The following SYN3 variants were observed in gnomAD, a reference collection of about 807,000 sequenced individuals.
The protein encoded by SYN3 is synapsin III.
In SYN3, 35 loss-of-function variants were observed where a neutral mutation model predicts 65.8. The ratio of observed to expected loss-of-function variants is 0.53; its 90% CI spans 0.41 to 0.70. The LOEUF is 0.70. Among genes scored for constraint, SYN3 ranks in the 30% least tolerant of loss-of-function variants. SYN3 has a pLI of 0.00. For missense variants in SYN3, 680 were observed against 749.0 expected, an observed-to-expected ratio of 0.91 and a Z score of 1.08; for synonymous variants, 270 against 292.9, an observed-to-expected ratio of 0.92 and a Z score of 0.80.
At chr22:33,034,652 C>T (rs2053819806) in intron 1 of SYN3, among the ~76,000 whole-genome samples, 1 of 152,132 alleles carries the variant, frequency 6.6e-6, no homozygotes, top group Non-Finnish European at 1.5e-5. Flanking sequence ...GCTGTTTACT[C>T]AAGCACTGAG....
chr22:32,914,980 T>C (rs1310839535), intron 4 of SYN3, among the ~76,000 whole-genome samples: 1 of 152,182 alleles, frequency 6.6e-6, no homozygotes, highest in Non-Finnish European at 1.5e-5. Context: ...CAACTTGACC[T>C]CTGCCTTCAG....
chr22:32,660,392 C>T (rs1358152153), intron 6 of SYN3, among the ~76,000 whole-genome samples: 3 of 152,144 alleles, frequency 2.0e-5, no homozygotes, highest in South Asian at 2.1e-4. Context: ...AGCAAAGTTG[C>T]GAAATGGACA....
At chr22:32,820,667 C>T (rs2047220826) in intron 6 of SYN3, among the ~76,000 whole-genome samples, 2 of 152,140 alleles carry the variant, frequency 1.3e-5, no homozygotes, top group African/African-American at 4.8e-5. Context: ...CGTGGCATCA[C>T]CAGGACCTGA....
chr22:33,049,390 A>G (rs763802447), intron 1 of SYN3, among the ~76,000 whole-genome samples: 8 of 152,190 alleles, frequency 5.3e-5, no homozygotes, highest in Non-Finnish European at 1.0e-4. Flanking sequence ...CCACTGCTGC[A>G]GCTAGCTTTG....
intron 3 of SYN3, among the ~76,000 whole-genome samples, chr22:32,956,026 T>G (rs1254100820): frequency 9.6e-6 from 1 of 104,116 alleles, no homozygotes; most frequent in Non-Finnish European, 1.9e-5. Flanking sequence ...GAGTTAATAC[T>G]ACTTAATAAA....
At chr22:32,665,948 C>G (rs1438412184) in intron 6 of SYN3, among the ~76,000 whole-genome samples, 1 of 152,156 alleles carries the variant, frequency 6.6e-6, no homozygotes, top group Middle Eastern at 3.2e-3. Flanking sequence ...CCAACGAAAT[C>G]ACACACTATA....
At chr22:33,040,036 T>C (rs901024992) in intron 1 of SYN3, among the ~76,000 whole-genome samples, 49 of 131,914 alleles carry the variant, frequency 3.7e-4, no homozygotes, top group African/African-American at 1.9e-3. Context: ...TTTTTTTTCT[T>C]TTTTTTTTTG....
At chr22:33,001,641 C>T (rs1471193662) in intron 2 of SYN3, among the ~76,000 whole-genome samples, 2 of 152,208 alleles carry the variant, frequency 1.3e-5, no homozygotes, top group Non-Finnish European at 2.9e-5. Context: ...CAATAGTCAG[C>T]AATAATAATA....
chr22:32,944,116 C>T (rs1350288146), intron 3 of SYN3, among the ~76,000 whole-genome samples: 1 of 152,202 alleles, frequency 6.6e-6, no homozygotes, highest in African/African-American at 2.4e-5. Flanking sequence ...ATCTACAGAA[C>T]ACTCCACCCC....
intron 6 of SYN3, among the ~76,000 whole-genome samples, chr22:32,730,285 C>T (rs368052506): frequency 6.6e-6 from 1 of 152,188 alleles, no homozygotes; most frequent in Admixed American, 6.5e-5. Flanking sequence ...ATATAATGGT[C>T]GGGTACCATT....
chr22:32,858,229 CG>C, intron 6 of SYN3: 1 of 1,566,276 alleles, frequency 6.4e-7, no homozygotes, highest in Non-Finnish European at 8.7e-7. Context: ...GCCAGGCCCT[CG>C]GCTGGGAAGG....
At chr22:32,846,604 G>T (rs2048070651) in intron 6 of SYN3, among the ~76,000 whole-genome samples, 1 of 152,174 alleles carries the variant, frequency 6.6e-6, no homozygotes, top group African/African-American at 2.4e-5. Context: ...GGAAACCAAG[G>T]CATAGAGAGG....
At position 32,864,920 on chromosome 22, in the gene SYN3, G is replaced by T. The variant is rs2048649473; in HGVS notation, c.706C>A (p.Pro236Thr). 1 of 1,613,708 alleles carries T rather than the reference G, an allele frequency of 6.2e-7. No individual in the cohort carries two copies. The highest frequency in any genetic ancestry group is 1.7e-5 in the Admixed American group (1 of 60,002). The change falls in exon 6 of 14, where the codon CCA (proline) becomes ACA (threonine). Residue 236 changes from proline (P) to threonine (T), a missense_variant. Pro to Thr is a conservative substitution (Grantham distance 38). Coordinates refer to ENST00000358763, the MANE Select transcript of SYN3 (RefSeq NM_003490.4). ...GAGTAAAAAAGGGCACTCACCATTG[G>T]CTTATGGTTGGGGAAAAATGTTTGC... Reference protein sequence around the residue: ...VEQTFFPNHKPMVTAPHFPVV... With the variant: ...VEQTFFPNHKTMVTAPHFPVV...
chr22:32,886,598 T>TA (rs1347565660), intron 4 of SYN3, among the ~76,000 whole-genome samples: 1 of 152,232 alleles, frequency 6.6e-6, no homozygotes, highest in Non-Finnish European at 1.5e-5. Context: ...TGCTTCGACA[T>TA]ATGTAACACT....
intron 4 of SYN3, among the ~76,000 whole-genome samples, chr22:32,929,470 T>C (rs2050569258): frequency 6.6e-6 from 1 of 152,230 alleles, no homozygotes; most frequent in Non-Finnish European, 1.5e-5. Context: ...TTCACCTGGT[T>C]ATCTTTGACT....
At chr22:32,661,707 C>T (rs1283822087) in intron 6 of SYN3, among the ~76,000 whole-genome samples, 2 of 152,138 alleles carry the variant, frequency 1.3e-5, no homozygotes, top group Non-Finnish European at 2.9e-5. Flanking sequence ...TTCCCCCCAC[C>T]TTTCTTGTCA....
In SYN3 at chr22:32,513,710, G is replaced by A; in HGVS notation, c.1725C>T (p.Ala575=). The A allele has an allele frequency of 6.2e-7, 1 of 1,614,176 alleles. No homozygotes were observed. Among genetic ancestry groups the A allele is most frequent in the Non-Finnish European group, 8.5e-7 (1 of 1,180,032 alleles). The change falls in exon 14 of 14, where the codon GCC becomes GCT. Residue 575 remains alanine (A), a synonymous_variant. Coordinates refer to ENST00000358763, the MANE Select transcript of SYN3 (RefSeq NM_003490.4). The part of the protein sequence containing the change: ...ETIRNLRKSF[A]SLFSD ...GATGGCGTTAGTCAGAGAACAGGCTGGCAAAAGACTTCCTCAGGTTGCGGA... is the reference window on the plus strand; with the variant it reads ...GATGGCGTTAGTCAGAGAACAGGCTAGCAAAAGACTTCCTCAGGTTGCGGA...
intron 7 of SYN3, among the ~76,000 whole-genome samples, chr22:32,559,735 C>T (rs901774736): frequency 1.3e-5 from 2 of 151,018 alleles, no homozygotes; most frequent in Non-Finnish European, 2.9e-5. Flanking sequence ...GAGGCTGAGG[C>T]AGGAGAATGG....
At chr22:32,887,529 A>G (rs1284034371) in intron 4 of SYN3, among the ~76,000 whole-genome samples, 1 of 152,216 alleles carries the variant, frequency 6.6e-6, no homozygotes, top group Non-Finnish European at 1.5e-5. Flanking sequence ...GCTTCCAGAT[A>G]AGAACTGAGC....
Sources: allele counts gnomAD v4.1 joint callset (sites outside exome capture counted in the v4.1 genomes callset), GRCh38; gene constraint gnomAD v4.1.1; transcripts MANE v1.5; gene names NCBI Gene and HGNC (gene_info 2026-07-23, HGNC 2026-07-21).